Variants in CPS1 observed in about 807,000 individuals in gnomAD.
The protein encoded by CPS1 is carbamoyl-phosphate synthase 1.
A neutral mutation model predicts 174.6 loss-of-function variants in CPS1; 109 were observed. That is an observed-to-expected ratio of 0.62 (90% CI 0.53 to 0.73). The LOEUF is 0.73. Ranked by LOEUF, CPS1 falls within the 30% of genes least tolerant of loss-of-function variation. CPS1 has a pLI of 0.00. For synonymous variants in CPS1, 637 were observed against 632.0 expected (o/e 1.01, Z -0.12); for missense variants, 1,689 against 1,821.9 (o/e 0.93, Z 1.33).
chr2:210,582,620 A>G lies in CPS1; in HGVS notation c.532A>G (p.Thr178Ala). Residue 178 changes from threonine to alanine, a missense_variant, in exon 6 of 38, where the codon ACC (threonine) becomes GCC (alanine). Transcript: ENST00000233072. ...TCTAATTTTTTTAATTTGATAGGGT[A>G]CCATGCTTGGGAAGATTGAATTTGA... Reference protein sequence around the residue: ...MLTKIIRDKGTMLGKIEFEGQ... With the variant: ...MLTKIIRDKGAMLGKIEFEGQ... 3 of 1,611,774 alleles carry G rather than the reference A, an allele frequency of 1.9e-6. No homozygotes were observed. Among genetic ancestry groups the G allele is most frequent in the East Asian group, 2.2e-5 (1 of 44,832 alleles).
intron 1 of CPS1, among the ~76,000 whole-genome samples, chr2:210,513,399 T>C (rs1695585181): frequency 6.6e-6 from 1 of 151,896 alleles, no homozygotes; most frequent in Non-Finnish European, 1.5e-5. Context: ...AATCTCACTG[T>C]GGTTTTGACT....
At chr2:210,620,607 G>A (rs957416744) in intron 21 of CPS1, among the ~76,000 whole-genome samples, 4 of 152,018 alleles carry the variant, frequency 2.6e-5, no homozygotes, top group Admixed American at 6.6e-5. Flanking sequence ...CAATCATGGC[G>A]GAAGGCAAAA....
chr2:210,528,678 C>T (rs1409251248), intron 1 of CPS1, among the ~76,000 whole-genome samples: 8 of 151,820 alleles, frequency 5.3e-5, no homozygotes, highest in Admixed American at 3.3e-4. Context: ...GCATCTACTA[C>T]GTTGTTATTC....
At chr2:210,607,027 A>C in intron 18 of CPS1, 86 bp downstream of exon 18, 1 of 1,195,082 alleles carries the variant, frequency 8.4e-7, no homozygotes. Context: ...ACTGTACTGC[A>C]TTTACAAACT....
chr2:210,499,443 A>T lies in CPS1; in HGVS notation c.3+21677A>T, dbSNP rs181639057. ...GAGAGCACAATTCCAGTGCCTACTG[A>T]TGAGGCACTTTCTGTAATTCTGGCT... is the stretch of plus-strand genomic sequence containing the variant. On this transcript the variant is annotated intron_variant, in intron 1 of 38. Transcript: ENST00000430249. 2.6e-3 allele frequency among the ~76,000 whole-genome samples: 396 copies of T among 152,210 alleles called. 5 individuals carry two copies. The highest frequency in any genetic ancestry group is 3.4e-3 in the Middle Eastern group (1 of 294).
chr2:210,499,842 A>C (rs188984504), intron 1 of CPS1, among the ~76,000 whole-genome samples: 22 of 152,246 alleles, frequency 1.4e-4, no homozygotes, highest in African/African-American at 5.1e-4. Flanking sequence ...CTGTTTGCCC[A>C]CGTTCTTCTC....
At chr2:210,612,422 T>C in intron 20 of CPS1, 129 bp downstream of exon 20, 1 of 865,254 alleles carries the variant, frequency 1.2e-6, no homozygotes, top group Non-Finnish European at 1.9e-6. Context: ...TTAATTCTTT[T>C]ATAGTATTAA....
intron 1 of CPS1, among the ~76,000 whole-genome samples, chr2:210,504,023 AT>A (rs895871435): frequency 2.7e-5 from 4 of 150,150 alleles, no homozygotes; most frequent in Admixed American, 6.7e-5. Flanking sequence ...ATGTGTTGTG[AT>A]TTTTTTTTTC....
chr2:210,669,512 C>T (rs938056132), intron 34 of CPS1, among the ~76,000 whole-genome samples: 1 of 152,016 alleles, frequency 6.6e-6, no homozygotes, highest in African/African-American at 2.4e-5. Context: ...TTTTAGATTC[C>T]ATCTCATTAG....
intron 1 of CPS1, among the ~76,000 whole-genome samples, chr2:210,496,206 G>C (rs1394754381): frequency 6.6e-6 from 1 of 151,636 alleles, no homozygotes; most frequent in Non-Finnish European, 1.5e-5. Context: ...ATTTGCACAA[G>C]AGAATGCTCA....
At chr2:210,668,349 G>A in intron 34 of CPS1, 65 bp downstream of exon 34, 1 of 1,049,212 alleles carries the variant, frequency 9.5e-7, no homozygotes, top group South Asian at 1.3e-5. Context: ...GGGCAGGATA[G>A]AATGTTAATT....
chr2:210,482,675 AAAG>A (rs1270588323), intron 1 of CPS1, among the ~76,000 whole-genome samples: 5 of 81,416 alleles, frequency 6.1e-5, no homozygotes, highest in Non-Finnish European at 1.3e-4. Flanking sequence ...AGAGAGAGAG[AAAG>A]AGAGAGAGAG....
Position 210,603,011 on chromosome 2 carries a change from A to G in CPS1, c.1836+681A>G, listed in dbSNP as rs1227828008. On this transcript the variant is annotated intron_variant, in intron 16 of 37. Coordinates refer to ENST00000233072, the MANE Select transcript of CPS1 (RefSeq NM_001875.5). ...GAGAAAAGTAAGCTATGCTACAAAA[A>G]CTAAATTAGAGACTAATGCAGAAAA... 2.0e-5 allele frequency among the ~76,000 whole-genome samples: 3 copies of G among 151,968 alleles called. No individual in the cohort carries two copies. In the East Asian group the frequency reaches 5.8e-4, roughly 30 times the overall value.
At chr2:210,591,591 C>T (rs541560315) in intron 9 of CPS1, among the ~76,000 whole-genome samples, 8 of 152,010 alleles carry the variant, frequency 5.3e-5, no homozygotes, top group East Asian at 3.9e-4. Flanking sequence ...TTTCTAAAAC[C>T]GATTATAGAA....
chr2:210,488,342 A>G (rs1465910895), intron 1 of CPS1, among the ~76,000 whole-genome samples: 1 of 152,214 alleles, frequency 6.6e-6, no homozygotes, highest in Non-Finnish European at 1.5e-5. Flanking sequence ...TTGTCAATGC[A>G]AAGTTCTATT....
chr2:210,658,962 A>G (rs1192414875), intron 31 of CPS1, among the ~76,000 whole-genome samples: 1 of 152,226 alleles, frequency 6.6e-6, no homozygotes, highest in Non-Finnish European at 1.5e-5. Context: ...TATAGTATAG[A>G]TGGATACGGT....
intron 1 of CPS1, among the ~76,000 whole-genome samples, chr2:210,502,139 C>T (rs540559486): frequency 2.6e-5 from 4 of 151,948 alleles, no homozygotes; most frequent in Admixed American, 2.0e-4. Context: ...GGAAACTGCC[C>T]CCATGATTCA....
chr2:210,589,006 A>C (rs1198540764), intron 7 of CPS1, among the ~76,000 whole-genome samples: 1 of 152,008 alleles, frequency 6.6e-6, no homozygotes, highest in Non-Finnish European at 1.5e-5. Flanking sequence ...TGATGGCTGG[A>C]GCCTACTGGC....
At chr2:210,644,832 T>C (rs1041385556) in intron 25 of CPS1, among the ~76,000 whole-genome samples, 15 of 152,170 alleles carry the variant, frequency 9.9e-5, no homozygotes, top group African/African-American at 3.1e-4. Flanking sequence ...GTTAGTGATA[T>C]CAGGTTTTAA....
Sources: allele counts gnomAD v4.1 joint callset (sites outside exome capture counted in the v4.1 genomes callset), GRCh38; gene constraint gnomAD v4.1.1; transcripts MANE v1.5; gene names NCBI Gene and HGNC (gene_info 2026-07-23, HGNC 2026-07-21).